Variants in FCAMR observed in about 807,000 individuals in gnomAD.
FCAMR encodes the protein high affinity immunoglobulin alpha and immunoglobulin mu Fc receptor.
Under a neutral mutation model 52.2 loss-of-function variants are expected in FCAMR, and 51 were observed. That is an observed-to-expected ratio of 0.98 (90% CI 0.78 to 1.23). FCAMR has a LOEUF of 1.23. Among genes scored for constraint, FCAMR ranks in the 50% most tolerant of loss-of-function variants. The pLI is 0.00. For synonymous variants in FCAMR, 282 were observed against 262.0 expected (o/e 1.08, Z -0.74); for missense variants, 719 against 712.6 (o/e 1.01, Z -0.10).
chr1:206,960,056 A>C, intron 6 of FCAMR: 1 of 397,470 alleles, frequency 2.5e-6, no homozygotes, highest in East Asian at 4.5e-5. Context: ...AAAGAGGACT[A>C]GGTGGGAGCA....
chr1:206,967,498 G>T, intron 2 of FCAMR, 85 bp downstream of exon 2: 1 of 1,403,908 alleles, frequency 7.1e-7, no homozygotes, highest in Non-Finnish European at 1.0e-6. Context: ...TGGAATTGTG[G>T]GACCTTGGAA....
At chr1:206,967,688 G>T in intron 1 of FCAMR, 37 bp from the exon 2 acceptor site, 1 of 1,601,170 alleles carries the variant, frequency 6.2e-7, no homozygotes, top group Non-Finnish European at 8.6e-7. Context: ...TTCAAGGGAA[G>T]ATTTCTGTTT....
At position 206,962,469 on chromosome 1, in the gene FCAMR, T is replaced by C; in HGVS notation, c.396A>G (p.Ser132=). Residue 132 remains serine, a synonymous_variant, in exon 5 of 8, where the codon TCA becomes TCG. Coordinates refer to ENST00000324852, the MANE Select transcript of FCAMR (RefSeq NM_001170631.2). ...AVTIQCHYAP[S]SVNRHQRKYW... is the part of the protein sequence containing the mutation. ...ACTTCCTCTGGTGCCTGTTGACAGA[T>C]GAGGGGGCATAATGGCACTGGATGG... 6.2e-7 allele frequency: 1 copy of C among 1,613,308 alleles called. No homozygotes were observed. Among genetic ancestry groups the C allele is most frequent in the South Asian group, 1.1e-5 (1 of 91,056 alleles).
At position 206,970,346 on chromosome 1, in the gene FCAMR, G is replaced by A. The variant is rs769461796; in HGVS notation, c.-221C>T. The A allele has an allele frequency of 2.9e-4, 163 of 553,790 alleles. 1 individual carries two copies. The highest frequency in any genetic ancestry group is 2.2e-4 in the East Asian group (7 of 32,144). The allele number at this position is 553,790 out of a possible 1,614,324, so 34.3% of individuals were successfully genotyped here. A position where few individuals can be genotyped will look rare whatever the true frequency, so the allele number is the denominator to read the frequency against. ...TGGATTTTATTATTTATAAGAGGAA[G>A]CCAGTCCTAATCCCTTGTCATTCTT... is the stretch of plus-strand genomic sequence containing the variant. On this transcript the variant is annotated 5_prime_UTR_variant, in exon 1 of 8. Transcript: ENST00000324852.
chr1:206,962,661 C>A lies in FCAMR; in HGVS notation c.314-110G>T. On this transcript the variant is annotated intron_variant, in intron 4 of 7. Transcript: ENST00000324852. The stretch of plus-strand genomic sequence containing the variant: ...AATTAGGGGTCAAGTCAGAAAATAC[C>A]ACTGTGAACATGGAGCAGAATCAAT... 3.6e-6 allele frequency: 3 copies of A among 839,332 alleles called. No homozygotes were observed. The East Asian group carries it at 8.1e-5, about 23-fold the overall frequency. 52.0% of individuals were successfully genotyped at this position (839,332 alleles called of 1,614,324 possible).
chr1:206,962,958 A>G (rs1209737383), intron 4 of FCAMR, among the ~76,000 whole-genome samples: 2 of 152,244 alleles, frequency 1.3e-5, no homozygotes, highest in Non-Finnish European at 2.9e-5. Flanking sequence ...AAACTATGCC[A>G]CCAATGATAA....
At chr1:206,961,662 C>T (rs1165717589) in intron 5 of FCAMR, among the ~76,000 whole-genome samples, 1 of 152,256 alleles carries the variant, frequency 6.6e-6, no homozygotes, top group African/African-American at 2.4e-5. Flanking sequence ...GTCATGCTGT[C>T]TCCTCTGCCA....
chr1:206,968,543 T>C (rs941130069), intron 1 of FCAMR, among the ~76,000 whole-genome samples: 4 of 152,242 alleles, frequency 2.6e-5, no homozygotes, highest in Non-Finnish European at 5.9e-5. Flanking sequence ...TCCTCACTAC[T>C]GTTAAGGACA....
intron 4 of FCAMR, among the ~76,000 whole-genome samples, chr1:206,964,612 C>T (rs1042760393): frequency 3.3e-5 from 5 of 151,802 alleles, no homozygotes; most frequent in East Asian, 3.9e-4. Context: ...GTGCTGCTCC[C>T]GTTTTGCCTC....
At chr1:206,963,640 G>C (rs1428684871) in intron 4 of FCAMR, among the ~76,000 whole-genome samples, 2 of 152,106 alleles carry the variant, frequency 1.3e-5, no homozygotes, top group Non-Finnish European at 2.9e-5. Context: ...TGGAGGAGGG[G>C]GGCATGGTTG....
intron 4 of FCAMR, among the ~76,000 whole-genome samples, chr1:206,963,706 C>G (rs1364429007): frequency 6.6e-6 from 1 of 152,102 alleles, no homozygotes; most frequent in African/African-American, 2.4e-5. Flanking sequence ...TTTGGGGGTC[C>G]CTCCAGAGTT....
intron 1 of FCAMR, 61 bp downstream of exon 1, chr1:206,970,026 G>A: frequency 1.9e-6 from 3 of 1,596,918 alleles, no homozygotes; most frequent in Non-Finnish European, 2.6e-6. Flanking sequence ...AGCTATGGCT[G>A]CAGTTCACCC....
intron 3 of FCAMR, among the ~76,000 whole-genome samples, chr1:206,966,807 C>T (rs1680726921): frequency 3.3e-5 from 5 of 152,172 alleles, no homozygotes; most frequent in Admixed American, 3.3e-4. Context: ...ATTTATTAAG[C>T]ATCTACTTGG....
intron 5 of FCAMR, 29 bp from the exon 6 acceptor site, chr1:206,961,252 G>A: frequency 6.7e-7 from 1 of 1,490,806 alleles, no homozygotes; most frequent in Non-Finnish European, 8.9e-7. Context: ...GAGGCCACAT[G>A]GGAAGGCTGG....
intron 3 of FCAMR, 40 bp downstream of exon 3, chr1:206,967,012 G>T (rs1365865044): frequency 5.0e-6 from 8 of 1,608,214 alleles, no homozygotes; most frequent in Non-Finnish European, 6.8e-6. Flanking sequence ...CTCAGGTCTG[G>T]TTTTGTAAGC....
At position 206,959,808 on chromosome 1, in the gene FCAMR, G is replaced by T. The variant is rs781207336; in HGVS notation, c.1455-11C>A. ...TCTTCTGGAAAAGTACTACAGTGGGGGTGGAAAGAGCACAGGGGAGAGGAG... is the reference window on the plus strand; with the variant it reads ...TCTTCTGGAAAAGTACTACAGTGGGTGTGGAAAGAGCACAGGGGAGAGGAG... On this transcript the variant is annotated splice_polypyrimidine_tract_variant and intron_variant, in intron 6 of 7. Transcript: ENST00000324852. The T allele has an allele frequency of 7.5e-6, 12 of 1,597,230 alleles. No homozygotes were observed. The highest frequency in any genetic ancestry group is 1.0e-5 in the Non-Finnish European group (12 of 1,164,644).
At chr1:206,966,277 C>T (rs1199378890) in intron 3 of FCAMR, among the ~76,000 whole-genome samples, 2 of 152,164 alleles carry the variant, frequency 1.3e-5, no homozygotes, top group East Asian at 1.9e-4. Context: ...AATCATGGGC[C>T]TGCCTGAGTT....
At position 206,965,841 on chromosome 1, in the gene FCAMR, G is replaced by A. The variant is rs778672795; in HGVS notation, c.187C>T (p.Pro63Ser). The A allele has an allele frequency of 7.5e-6, 12 of 1,606,028 alleles. No homozygotes were observed. Among genetic ancestry groups the A allele is most frequent in the Non-Finnish European group, 1.0e-5 (12 of 1,176,632 alleles). The change falls in exon 4 of 8, where the codon CCA becomes TCA. Residue 63 changes from proline (P) to serine (S), a missense_variant. Coordinates refer to ENST00000324852, the MANE Select transcript of FCAMR (RefSeq NM_001170631.2). The stretch of plus-strand genomic sequence containing the variant: ...CATCTCGGATGGGGTCTTTTTTGTG[G>A]AAGGGCGAAAGAAGAACCTGCAGCA... ...CLLQGSSFALPQKRPHPRWLW... is the reference protein window; with the variant it reads ...CLLQGSSFALSQKRPHPRWLW...
At chr1:206,963,961 C>T (rs1350468249) in intron 4 of FCAMR, among the ~76,000 whole-genome samples, 1 of 152,188 alleles carries the variant, frequency 6.6e-6, no homozygotes, top group Non-Finnish European at 1.5e-5. Context: ...CTCTGGGTGG[C>T]CCTCTAGGTG....
Sources: gnomAD v4.1 joint callset for allele counts (sites outside exome capture counted in the v4.1 genomes callset) on GRCh38, gnomAD v4.1.1 for gene constraint, MANE v1.5 for transcripts, NCBI Gene and HGNC (gene_info 2026-07-23, HGNC 2026-07-21) for gene names.